The following PPP1R3A variants were observed in gnomAD, a reference collection of about 807,000 sequenced individuals.
PPP1R3A encodes the protein RG1.
A neutral mutation model predicts 41.7 loss-of-function variants in PPP1R3A; 29 were observed. That is an observed-to-expected ratio of 0.70 (90% CI 0.52 to 0.95). The LOEUF is 0.95. Ranked by LOEUF, PPP1R3A falls within the 40% of genes least tolerant of loss-of-function variation. The pLI is 0.00. For synonymous variants in PPP1R3A, 485 were observed against 453.4 expected, an observed-to-expected ratio of 1.07 and a Z score of -0.89; for missense variants, 1,352 against 1,292.4, an observed-to-expected ratio of 1.05 and a Z score of -0.71.
In PPP1R3A at chr7:113,879,612, A is replaced by G. The variant is rs769567965; in HGVS notation, c.1480T>C (p.Ser494Pro). Reference sequence around the variant, plus strand: ...TCTGTTGATTCTTTGAGACATGCCGACGTATCTGAATGGAAATCTCTTCGT... The same window carrying G: ...TCTGTTGATTCTTTGAGACATGCCGGCGTATCTGAATGGAAATCTCTTCGT... ...CLRRDFHSDT[S>P]ACLKESTEEG... Residue 494 changes from serine to proline, a missense_variant, in exon 4 of 4, where the codon TCG (serine) becomes CCG (proline). Physicochemically the swap from Ser to Pro is moderately conservative, Grantham distance 74. Transcript: ENST00000284601. 1 of 1,613,266 alleles carries G rather than the reference A, an allele frequency of 6.2e-7. No homozygotes were observed. Among genetic ancestry groups the G allele is most frequent in the Non-Finnish European group, 8.5e-7 (1 of 1,179,626 alleles).
chr7:113,885,113 G>A (rs998266835), intron 1 of PPP1R3A, among the ~76,000 whole-genome samples: 8 of 152,228 alleles, frequency 5.3e-5, no homozygotes, highest in South Asian at 4.1e-4. Context: ...AGAGTCCAGT[G>A]CGCAATCTTA....
rs757988677 is a variant in PPP1R3A, at chr7:113,880,054, T to C, written c.1038A>G (p.Pro346=). The part of the protein sequence containing the change: ...RDERNTFSTD[P]VNFPNKAEGL... ...CCTCTGCTTTATTTGGAAAATTGAC[T>C]GGATCTGTTGAAAATGTATTCCTTT... Residue 346 remains proline, a synonymous_variant, in exon 4 of 4, where the codon CCA becomes CCG. Transcript: ENST00000284601. 8.7e-6 allele frequency: 14 copies of C among 1,610,648 alleles called. No individual in the cohort carries two copies. The highest frequency in any genetic ancestry group is 1.2e-5 in the Non-Finnish European group (14 of 1,177,272).
Position 113,918,710 on chromosome 7 carries a change from G to A in PPP1R3A, c.287C>T (p.Thr96Met), listed in dbSNP as rs372165068. 7.4e-6 allele frequency: 12 copies of A among 1,613,594 alleles called. No individual in the cohort carries two copies. The highest frequency in any genetic ancestry group is 4.0e-5 in the African/African-American group (3 of 74,870). Reference sequence around the variant, plus strand: ...ATATTCTTCTGTGTGGAAAATGTCCGTCCCTAAGTCAAAAGTGGTTGAAGC... The same window carrying A: ...ATATTCTTCTGTGTGGAAAATGTCCATCCCTAAGTCAAAAGTGGTTGAAGC... The part of the protein sequence containing the change: ...PSASTTFDLG[T>M]DIFHTEEYVL... The change falls in exon 1 of 4, where the codon ACG becomes ATG. Residue 96 changes from threonine to methionine, a missense_variant. Transcript: ENST00000284601.
chr7:113,883,111 T>C (rs1177790720), intron 1 of PPP1R3A, among the ~76,000 whole-genome samples: 1 of 152,050 alleles, frequency 6.6e-6, no homozygotes, highest in Non-Finnish European at 1.5e-5. Context: ...GTCATTAGAA[T>C]TTAGATTTGT....
intron 3 of PPP1R3A, 81 bp downstream of exon 3, chr7:113,881,958 T>C: frequency 6.6e-7 from 1 of 1,514,812 alleles, no homozygotes; most frequent in Admixed American, 1.7e-5. Flanking sequence ...TAGTTGAAGC[T>C]ATTGAAAGGC....
chr7:113,880,776 T>TA (rs754272929), intron 3 of PPP1R3A, among the ~76,000 whole-genome samples: 1 of 151,892 alleles, frequency 6.6e-6, no homozygotes, highest in Admixed American at 6.6e-5. Flanking sequence ...ATGCAAATCT[T>TA]ACGTTTTCCC....
intron 1 of PPP1R3A, among the ~76,000 whole-genome samples, chr7:113,901,237 C>T (rs561783388): frequency 2.7e-4 from 41 of 151,776 alleles, no homozygotes; most frequent in African/African-American, 8.9e-4. Flanking sequence ...GGTATAGGAG[C>T]CCCAAGGAGC....
Position 113,918,796 on chromosome 7 carries a change from A to G in PPP1R3A, c.201T>C (p.Ala67=). 1 of 1,613,878 alleles carries G rather than the reference A, an allele frequency of 6.2e-7. No individual in the cohort carries two copies. Among genetic ancestry groups the G allele is most frequent in the Non-Finnish European group, 8.5e-7 (1 of 1,179,820 alleles). Residue 67 remains alanine, a synonymous_variant, in exon 1 of 4, where the codon GCT becomes GCC. Transcript: ENST00000284601. The part of the protein sequence containing the change: ...PSSGTRRVSF[A]DSFGFNLVSV... ...ACACAAGATTGAATCCAAAGGAATC[A>G]GCAAATGAAACTCTTCTAGTACCTG... is the stretch of plus-strand genomic sequence containing the variant.
intron 1 of PPP1R3A, among the ~76,000 whole-genome samples, chr7:113,887,404 T>C (rs1375509306): frequency 1.3e-5 from 2 of 152,046 alleles, no homozygotes; most frequent in African/African-American, 2.4e-5. Context: ...TCATGAATTA[T>C]AACAAACACT....
intron 1 of PPP1R3A, among the ~76,000 whole-genome samples, chr7:113,908,450 C>G (rs936629882): frequency 4.6e-5 from 7 of 151,880 alleles, no homozygotes; most frequent in Non-Finnish European, 2.9e-5. Flanking sequence ...AAATAATCAA[C>G]TGGAATGGCT....
chr7:113,877,630 A>G lies in PPP1R3A; in HGVS notation c.*93T>C, dbSNP rs1796588619. ...AATGATCCTTCAAGAGAAAAACTGC[A>G]CTGGATCTTTGAACAATGAATAGTC... is the stretch of plus-strand genomic sequence containing the variant. On this transcript the variant is annotated 3_prime_UTR_variant, in exon 4 of 4. Coordinates refer to ENST00000284601, the MANE Select transcript of PPP1R3A (RefSeq NM_002711.4). 1 of 1,399,368 alleles carries G rather than the reference A, an allele frequency of 7.1e-7. No homozygotes were observed. The highest frequency in any genetic ancestry group is 2.3e-5 in the East Asian group (1 of 43,200). The allele number at this position is 1,399,368 out of a possible 1,614,324, so 86.7% of individuals were successfully genotyped here.
intron 1 of PPP1R3A, among the ~76,000 whole-genome samples, chr7:113,908,635 T>C (rs1669777668): frequency 6.6e-6 from 1 of 151,946 alleles, no homozygotes; most frequent in African/African-American, 2.4e-5. Flanking sequence ...TTTCAGTGGG[T>C]CTAAACTGCA....
chr7:113,903,662 AT>A (rs910777478), intron 1 of PPP1R3A, among the ~76,000 whole-genome samples: 1 of 151,640 alleles, frequency 6.6e-6, no homozygotes, highest in African/African-American at 2.4e-5. Flanking sequence ...TGAATCTTAC[AT>A]TTTTTTCCAT....
At chr7:113,881,120 T>A (rs572385482) in intron 3 of PPP1R3A, among the ~76,000 whole-genome samples, 9 of 152,048 alleles carry the variant, frequency 5.9e-5, no homozygotes, top group Non-Finnish European at 1.2e-4. Flanking sequence ...CTGGTGAGAA[T>A]TCTCACAATG....
intron 1 of PPP1R3A, among the ~76,000 whole-genome samples, chr7:113,884,532 C>A (rs2129114836): frequency 6.6e-6 from 1 of 151,786 alleles, no homozygotes; most frequent in Non-Finnish European, 1.5e-5. Flanking sequence ...TGGTACTTTT[C>A]AGTAAGTTGA....
At chr7:113,918,161 T>C (rs1285475987) in intron 1 of PPP1R3A, 54 bp downstream of exon 1, 1 of 1,467,200 alleles carries the variant, frequency 6.8e-7, no homozygotes, top group Non-Finnish European at 9.2e-7. Context: ...AAATAAAGAA[T>C]GACATAAAAA....
chr7:113,909,551 C>T (rs939356367), intron 1 of PPP1R3A, among the ~76,000 whole-genome samples: 1 of 151,934 alleles, frequency 6.6e-6, no homozygotes, highest in Non-Finnish European at 1.5e-5. Context: ...AATGTATGGT[C>T]CTGGTAATAG....
intron 3 of PPP1R3A, among the ~76,000 whole-genome samples, chr7:113,881,698 A>AT (rs1796697990): frequency 6.6e-6 from 1 of 152,000 alleles, no homozygotes; most frequent in Admixed American, 6.6e-5. Context: ...CAGCCCTCTC[A>AT]TTTTATAGAC....
At chr7:113,907,702 A>G (rs997528626) in intron 1 of PPP1R3A, among the ~76,000 whole-genome samples, 4 of 151,866 alleles carry the variant, frequency 2.6e-5, no homozygotes, top group African/African-American at 7.2e-5. Context: ...AAGGGAATAA[A>G]ACTACTTATT....
Sources: allele counts gnomAD v4.1 joint callset (sites outside exome capture counted in the v4.1 genomes callset), GRCh38; gene constraint gnomAD v4.1.1; transcripts MANE v1.5; gene names NCBI Gene and HGNC (gene_info 2026-07-23, HGNC 2026-07-21).